CHN2: variants seen among roughly 807,000 people sequenced by gnomAD.
CHN2 encodes beta-chimaerin.
CHN2 carries 35 observed loss-of-function variants against 56.3 expected under a neutral mutation model. The observed-to-expected ratio is 0.62, with a 90% CI of 0.47 to 0.82. The LOEUF is 0.82. CHN2 is among the 40% of genes least tolerant of loss of function. The probability of loss-of-function intolerance (pLI) is 0.00; values close to 1 mark genes in which losing one functional copy is unlikely to be tolerated. For synonymous variants in CHN2, 210 were observed against 212.8 expected (o/e 0.99, Z 0.12); for missense variants, 491 against 580.5 (o/e 0.85, Z 1.58).
At chr7:29,155,602 C>G (rs544953381) in intron 2 of CHN2, among the ~76,000 whole-genome samples, 9 of 152,310 alleles carry the variant, frequency 5.9e-5, no homozygotes, top group African/African-American at 1.9e-4. Flanking sequence ...TGCCATTTTT[C>G]TCACCTCTTT....
At chr7:29,479,779 A>G in intron 6 of CHN2, 1 of 1,202,018 alleles carries the variant, frequency 8.3e-7, no homozygotes, top group South Asian at 1.9e-5. Context: ...CTGCGGCAGG[A>G]GAAAGCAGGC....
At chr7:29,297,507 G>C (rs1793272650) in intron 1 of CHN2, among the ~76,000 whole-genome samples, 1 of 152,178 alleles carries the variant, frequency 6.6e-6, no homozygotes, top group Admixed American at 6.5e-5. Context: ...TGATCATTTG[G>C]AGTTTGATGG....
intron 1 of CHN2, among the ~76,000 whole-genome samples, chr7:29,285,402 C>G (rs559652562): frequency 6.6e-6 from 1 of 152,358 alleles, no homozygotes; most frequent in South Asian, 2.1e-4. Flanking sequence ...CCAGTCCCTT[C>G]TCTCCTAGTG....
chr7:29,398,170 T>A lies in CHN2; in HGVS notation c.177-203T>A, dbSNP rs1801913907. On this transcript the variant is annotated intron_variant, in intron 4 of 12. Coordinates refer to ENST00000222792, the MANE Select transcript of CHN2 (RefSeq NM_004067.4). ...CAGGTGGACTGGGCATCCTTCCTTT[T>A]GTTTGCCTGCTTGAATACTTGTGTT... 1.2e-5 allele frequency: 5 copies of A among 404,336 alleles called. No individual in the cohort carries two copies. In the East Asian group the frequency reaches 1.8e-4, roughly 15 times the overall value. The allele number at this position is 404,336 out of a possible 1,614,324, so 25.0% of individuals were successfully genotyped here. A position where few individuals can be genotyped will look rare whatever the true frequency, so the allele number is the denominator to read the frequency against.
At chr7:29,233,654 G>A (rs942682468) in intron 1 of CHN2, among the ~76,000 whole-genome samples, 3 of 151,958 alleles carry the variant, frequency 2.0e-5, no homozygotes, top group Admixed American at 1.3e-4. Context: ...AGACAGAAGG[G>A]TCAGTTTCAG....
At chr7:29,489,722 T>C (rs1288467687) in intron 7 of CHN2, among the ~76,000 whole-genome samples, 1 of 152,232 alleles carries the variant, frequency 6.6e-6, no homozygotes, top group African/African-American at 2.4e-5. Flanking sequence ...CACTGGGTGC[T>C]ACTTGCTCTT....
At chr7:29,459,504 C>A (rs1408999024) in intron 6 of CHN2, among the ~76,000 whole-genome samples, 1 of 152,144 alleles carries the variant, frequency 6.6e-6, no homozygotes, top group Non-Finnish European at 1.5e-5. Context: ...TGAGATAAAA[C>A]CTCCGTGGGT....
intron 7 of CHN2, chr7:29,484,115 C>A (rs1787685028): frequency 2.7e-6 from 1 of 376,622 alleles, no homozygotes; most frequent in Non-Finnish European, 5.2e-6. Context: ...TTTCTACCAT[C>A]TCTTTCTTCT....
intron 6 of CHN2, among the ~76,000 whole-genome samples, chr7:29,443,644 G>A (rs979744559): frequency 5.3e-5 from 8 of 152,116 alleles, no homozygotes; most frequent in African/African-American, 1.9e-4. Context: ...TGCTTTTCAT[G>A]GGTTGGCTGC....
intron 2 of CHN2, among the ~76,000 whole-genome samples, chr7:29,178,333 C>T (rs976407325): frequency 2.3e-4 from 35 of 152,206 alleles, no homozygotes; most frequent in African/African-American, 8.0e-4. Context: ...CTATGACCCA[C>T]GTGGCTGCTA....
chr7:29,425,095 G>C (rs913416293), intron 6 of CHN2, among the ~76,000 whole-genome samples: 2 of 152,216 alleles, frequency 1.3e-5, no homozygotes, highest in Non-Finnish European at 1.5e-5. Flanking sequence ...CCATCTCTAT[G>C]ACAGCCATTG....
intron 6 of CHN2, among the ~76,000 whole-genome samples, chr7:29,479,437 CAG>C: frequency 6.6e-6 from 1 of 152,178 alleles, no homozygotes; most frequent in Non-Finnish European, 1.5e-5. Context: ...TTGCAGAACT[CAG>C]AGTGGAAAAG....
At chr7:29,199,260 A>G (rs1006436811) in intron 1 of CHN2, among the ~76,000 whole-genome samples, 6 of 152,236 alleles carry the variant, frequency 3.9e-5, no homozygotes, top group Non-Finnish European at 8.8e-5. Flanking sequence ...ACTGAACTAT[A>G]GTAATTCTGG....
chr7:29,402,895 A>G (rs1449505923), intron 6 of CHN2, among the ~76,000 whole-genome samples: 1 of 151,834 alleles, frequency 6.6e-6, no homozygotes. Flanking sequence ...TCAAAAATAA[A>G]TTGTGGAGGA....
intron 1 of CHN2, among the ~76,000 whole-genome samples, chr7:29,295,406 A>G (rs1236906877): frequency 2.6e-5 from 4 of 151,614 alleles, no homozygotes; most frequent in African/African-American, 9.7e-5. Context: ...TTCAGCACCT[A>G]GAAAATGCCT....
At chr7:29,492,809 C>T (rs1788807474) in intron 7 of CHN2, among the ~76,000 whole-genome samples, 1 of 152,170 alleles carries the variant, frequency 6.6e-6, no homozygotes, top group African/African-American at 2.4e-5. Flanking sequence ...TAATGACTTC[C>T]ATGTATCTGA....
chr7:29,151,170 C>T (rs1035408970), intron 2 of CHN2, among the ~76,000 whole-genome samples: 2 of 152,218 alleles, frequency 1.3e-5, no homozygotes, highest in African/African-American at 4.8e-5. Flanking sequence ...CCACAGGCTA[C>T]AGACTCCAGG....
intron 5 of CHN2, 106 bp from the exon 6 acceptor site, chr7:29,400,437 T>C (rs548956969): frequency 9.0e-7 from 1 of 1,113,560 alleles, no homozygotes; most frequent in African/African-American, 1.6e-5. Context: ...CTTAGCCCTG[T>C]GCCTGGGATA....
intron 6 of CHN2, among the ~76,000 whole-genome samples, chr7:29,460,688 C>G (rs1190516201): frequency 6.6e-6 from 1 of 152,212 alleles, no homozygotes; most frequent in Non-Finnish European, 1.5e-5. Flanking sequence ...AGTCCAGAAT[C>G]TTTCCAGGTG....
Sources: gnomAD v4.1 joint callset for allele counts (sites outside exome capture counted in the v4.1 genomes callset) on GRCh38, gnomAD v4.1.1 for gene constraint, MANE v1.5 for transcripts, NCBI Gene and HGNC (gene_info 2026-07-23, HGNC 2026-07-21) for gene names.